Variants in FIZ1 observed in about 807,000 individuals in gnomAD.
FIZ1 encodes flt3-interacting zinc finger protein 1.
In FIZ1, 2 loss-of-function variants were observed where a neutral mutation model predicts 5.3. The ratio of observed to expected loss-of-function variants is 0.37; its 90% CI spans 0.15 to 1.18. FIZ1 has a LOEUF of 1.18. Among genes scored for constraint, FIZ1 ranks in the 50% most tolerant of loss-of-function variants. The probability of loss-of-function intolerance (pLI) is 0.37; values close to 1 mark genes in which losing one functional copy is unlikely to be tolerated. For synonymous variants in FIZ1, 407 were observed against 364.2 expected, an observed-to-expected ratio of 1.12 and a Z score of -1.34; for missense variants, 631 against 749.7, an observed-to-expected ratio of 0.84 and a Z score of 1.85.
At position 55,593,405 on chromosome 19, in the gene FIZ1, G is replaced by T. The variant is rs777883921; in HGVS notation, c.536C>A (p.Ala179Glu). 3.6e-5 allele frequency: 53 copies of T among 1,458,406 alleles called. 2 individuals are homozygous for T. The South Asian group carries it at 6.4e-4, about 18-fold the overall frequency. The allele number at this position is 1,458,406 out of a possible 1,614,324, so 90.3% of individuals were successfully genotyped here. A position where few individuals can be genotyped will look rare whatever the true frequency, so the allele number is the denominator to read the frequency against. Residue 179 changes from alanine to glutamate, a missense_variant, in exon 3 of 3, where the codon GCG becomes GAG. By Grantham distance (107) the Ala-to-Glu change is moderately radical. Coordinates refer to ENST00000221665, the MANE Select transcript of FIZ1 (RefSeq NM_032836.3). This position sits in a 1 kb window ranked among gnomAD's most constrained non-coding sequence, Gnocchi z 6.3. ...TGCCAGCCCCCAGCTGCCCAGACCCGCGCCTGCCCCCTCGGGGCCCTCTCC... is the reference window on the plus strand; with the variant it reads ...TGCCAGCCCCCAGCTGCCCAGACCCTCGCCTGCCCCCTCGGGGCCCTCTCC... ...GGGEGPEGAG[A>E]GLGSWGLAEA...
At chr19:55,595,103 T>C (rs1288254914) in intron 2 of FIZ1, among the ~76,000 whole-genome samples, 1 of 152,176 alleles carries the variant, frequency 6.6e-6, no homozygotes, top group African/African-American at 2.4e-5. Context: ...TGATTTAAGA[T>C]TTTGGAATAA....
rs1045722227 is a variant in FIZ1, at chr19:55,591,839, G to C, written c.*611C>G. On this transcript the variant is annotated 3_prime_UTR_variant, in exon 3 of 3. Coordinates refer to ENST00000221665, the MANE Select transcript of FIZ1 (RefSeq NM_032836.3). ...GTCGATCCATTCCACAGTCGGGGAG[G>C]GGGGATTCGAGGGCAGGGGGCATCT... 6.5e-6 allele frequency: 1 copy of C among 152,734 alleles called. No homozygotes were observed. The highest frequency in any genetic ancestry group is 2.4e-5 in the African/African-American group (1 of 41,420). The allele number at this position is 152,734 out of a possible 1,614,324, so 9.5% of individuals were successfully genotyped here.
Position 55,593,107 on chromosome 19 carries a change from G to C in FIZ1, c.834C>G (p.Thr278=). The change falls in exon 3 of 3, where the codon ACC becomes ACG. Residue 278 remains threonine, a synonymous_variant. Transcript: ENST00000221665. The surrounding 1 kb of genome is among the most constrained non-coding windows in gnomAD (Gnocchi z 6.3). ...GAGGAGCGTCGCCCGCCTCCGCAGC[G>C]GTGCCTTCGCCCGCCGTCTCGGGCC... ...GAGPETAGEG[T]AAEAGDAPLA... is the part of the protein sequence containing the mutation. 1 of 1,299,796 alleles carries C rather than the reference G, an allele frequency of 7.7e-7. No homozygotes were observed. Among genetic ancestry groups the C allele is most frequent in the Non-Finnish European group, 9.7e-7 (1 of 1,025,706 alleles). 80.5% of individuals were successfully genotyped at this position (1,299,796 alleles called of 1,614,324 possible). A position where few individuals can be genotyped will look rare whatever the true frequency, so the allele number is the denominator to read the frequency against.
In FIZ1 at chr19:55,597,952, A is replaced by C. The variant is rs182019185; in HGVS notation, c.-36-51T>G. 5 of 1,473,822 alleles carry C rather than the reference A, an allele frequency of 3.4e-6. No individual in the cohort carries two copies. In the African/African-American group the frequency reaches 7.0e-5, roughly 21 times the overall value. The allele number at this position is 1,473,822 out of a possible 1,614,324, so 91.3% of individuals were successfully genotyped here. The stretch of plus-strand genomic sequence containing the variant: ...CAGGTGAGGGGGTCGGCTCCCCATC[A>C]GCTCTCTCCTCCCAGGTTCCCAGAC... On this transcript the variant is annotated intron_variant, in intron 1 of 2. Transcript: ENST00000221665.
In FIZ1 at chr19:55,593,786, C is replaced by G. The variant is rs1980178553; in HGVS notation, c.295-140G>C. 1 of 776,248 alleles carries G rather than the reference C, an allele frequency of 1.3e-6. No individual in the cohort carries two copies. The highest frequency in any genetic ancestry group is 2.4e-5 in the Admixed American group (1 of 40,820). The allele number at this position is 776,248 out of a possible 1,614,324, so 48.1% of individuals were successfully genotyped here. On this transcript the variant is annotated intron_variant, in intron 2 of 2. Transcript: ENST00000221665. The surrounding 1 kb of genome is among the most constrained non-coding windows in gnomAD (Gnocchi z 6.3). Reference sequence around the variant, plus strand: ...TGATCTAGGGAAACGCTCGTCCTATCACTCTCTGTTTGGGGTCACGGTAGA... The same window carrying G: ...TGATCTAGGGAAACGCTCGTCCTATGACTCTCTGTTTGGGGTCACGGTAGA...
chr19:55,597,170 G>A (rs1038171598), intron 2 of FIZ1, among the ~76,000 whole-genome samples: 5 of 152,198 alleles, frequency 3.3e-5, no homozygotes, highest in African/African-American at 9.7e-5. Flanking sequence ...ATGAATAAAG[G>A]AATTAAGTAT....
Position 55,592,464 on chromosome 19 carries a change from G to T in FIZ1, c.1477C>A (p.Arg493=). The T allele has an allele frequency of 6.4e-7, 1 of 1,573,770 alleles. No individual in the cohort carries two copies. The highest frequency in any genetic ancestry group is 2.3e-5 in the East Asian group (1 of 43,156). The change falls in exon 3 of 3, where the codon CGG becomes AGG. Residue 493 remains arginine, a synonymous_variant. Coordinates refer to ENST00000221665, the MANE Select transcript of FIZ1 (RefSeq NM_032836.3). This position sits in a 1 kb window ranked among gnomAD's most constrained non-coding sequence, Gnocchi z 6.9. ...CAGCCTGGCAGTCAGTCCATGCCCC[G>T]GTGCAGCTTCAGGTGCCTGGAGAGG... ...SNLSRHLKLH[R]GMD is the part of the protein sequence containing the mutation.
At position 55,597,524 on chromosome 19, in the gene FIZ1, G is replaced by A. The variant is rs201316871; in HGVS notation, c.294+48C>T. On this transcript the variant is annotated intron_variant, in intron 2 of 2. Coordinates refer to ENST00000221665, the MANE Select transcript of FIZ1 (RefSeq NM_032836.3). ...GTACAGTGGGGCGCGGGATCCCACC[G>A]TAGTCCTGACCAGGGAGGCCAGCCT... is the stretch of plus-strand genomic sequence containing the variant. The A allele has an allele frequency of 3.8e-6, 6 of 1,576,876 alleles. No homozygotes were observed. The East Asian group carries it at 6.8e-5, about 18-fold the overall frequency.
chr19:55,593,150 GC>G lies in FIZ1; in HGVS notation c.790del (p.Ala264ProfsTer226), dbSNP rs2123550631. ...CTCGGGCCCTGCGCCTGGCCCCGCGGCCCAGGCCTGCGCTGGGGGCGCGCCC... is the reference window on the plus strand; with the variant it reads ...CTCGGGCCCTGCGCCTGGCCCCGCGGCCAGGCCTGCGCTGGGGGCGCGCCC... ...GPGAPPAQAWAAGPGAGPETA... is the reference protein window; with the variant it reads ...GPGAPPAQAWXAGPGAGPETA... On this transcript the variant is annotated frameshift_variant, in exon 3 of 3. Coordinates refer to ENST00000221665, the MANE Select transcript of FIZ1 (RefSeq NM_032836.3). LOFTEE classifies it low-confidence loss of function (END_TRUNC). The surrounding 1 kb of genome is among the most constrained non-coding windows in gnomAD (Gnocchi z 6.3). The G allele has an allele frequency of 1.7e-6, 2 of 1,181,396 alleles. No homozygotes were observed. Among genetic ancestry groups the G allele is most frequent in the Non-Finnish European group, 2.1e-6 (2 of 951,870 alleles). The allele number at this position is 1,181,396 out of a possible 1,614,324, so 73.2% of individuals were successfully genotyped here. A position where few individuals can be genotyped will look rare whatever the true frequency, so the allele number is the denominator to read the frequency against.
Position 55,592,399 on chromosome 19 carries a change from A to C in FIZ1, c.*51T>G. 1 of 1,476,766 alleles carries C rather than the reference A, an allele frequency of 6.8e-7. No homozygotes were observed. The highest frequency in any genetic ancestry group is 9.1e-7 in the Non-Finnish European group (1 of 1,104,158). 91.5% of individuals were successfully genotyped at this position (1,476,766 alleles called of 1,614,324 possible). A position where few individuals can be genotyped will look rare whatever the true frequency, so the allele number is the denominator to read the frequency against. ...GCGCAGTCCCGAGGTCCCCTGGTCC[A>C]GGCCGAGTCCAGGAGGCTGGGTGGA... On this transcript the variant is annotated 3_prime_UTR_variant, in exon 3 of 3. Coordinates refer to ENST00000221665, the MANE Select transcript of FIZ1 (RefSeq NM_032836.3). This position sits in a 1 kb window ranked among gnomAD's most constrained non-coding sequence, Gnocchi z 6.9.
chr19:55,592,751 T>C lies in FIZ1; in HGVS notation c.1190A>G (p.Glu397Gly), dbSNP rs1980076013. 2.5e-6 allele frequency: 4 copies of C among 1,609,002 alleles called. No individual in the cohort carries two copies. Among genetic ancestry groups the C allele is most frequent in the Non-Finnish European group, 3.4e-6 (4 of 1,178,620 alleles). ...EEAATAARER[E>G]PASGEPPSGS... Reference sequence around the variant, plus strand: ...AGACGGGGGTTCCCCGGACGCCGGTTCCCTTTCCCGGGCGGCGGTCGCCGC... The same window carrying C: ...AGACGGGGGTTCCCCGGACGCCGGTCCCCTTTCCCGGGCGGCGGTCGCCGC... The change falls in exon 3 of 3, where the codon GAA (glutamate) becomes GGA (glycine). Residue 397 changes from glutamate to glycine, a missense_variant. Physicochemically the swap from Glu to Gly is moderately conservative, Grantham distance 98 (BLOSUM62 -2). Coordinates refer to ENST00000221665, the MANE Select transcript of FIZ1 (RefSeq NM_032836.3). The surrounding 1 kb of genome is among the most constrained non-coding windows in gnomAD (Gnocchi z 6.9).
At chr19:55,598,695 A>C (rs369966125) in intron 1 of FIZ1, 3 of 151,948 alleles carry the variant, frequency 2.0e-5, no homozygotes, top group East Asian at 1.9e-4. Context: ...GTCCACTAAG[A>C]CCCACTTCCA....
At position 55,593,610 on chromosome 19, in the gene FIZ1, C is replaced by G. The variant is rs2123553042; in HGVS notation, c.331G>C (p.Val111Leu). The G allele has an allele frequency of 6.4e-7, 1 of 1,551,442 alleles. No individual in the cohort carries two copies. Among genetic ancestry groups the G allele is most frequent in the East Asian group, 2.4e-5 (1 of 40,912 alleles). The change falls in exon 3 of 3, where the codon GTC (valine) becomes CTC (leucine). Residue 111 changes from valine (V) to leucine (L), a missense_variant. This residue lies in a region of FIZ1 where 68 missense variants were observed against 163.4 expected (regional missense o/e 0.42). Transcript: ENST00000221665. This position sits in a 1 kb window ranked among gnomAD's most constrained non-coding sequence, Gnocchi z 6.3. ...CGTGAGGAGAAGCGGAGCTCGCAGACCAGGCAGCAGTAGGGTTTCTCACCA... is the reference window on the plus strand; with the variant it reads ...CGTGAGGAGAAGCGGAGCTCGCAGAGCAGGCAGCAGTAGGGTTTCTCACCA... ...HTGEKPYCCL[V>L]CELRFSSRSS...
chr19:55,595,793 C>T (rs1342407267), intron 2 of FIZ1: 2 of 152,238 alleles, frequency 1.3e-5, no homozygotes, highest in African/African-American at 4.8e-5. Context: ...AGAGGCAGAT[C>T]ATTCCTCACC....
intron 2 of FIZ1, among the ~76,000 whole-genome samples, chr19:55,594,398 CAAAA>C (rs1209856747): frequency 0.11 from 6,806 of 63,800 alleles, 529 homozygotes; most frequent in African/African-American, 0.3. Context: ...GACTCTGTCT[CAAAA>C]AAAAAAAAAA....
At chr19:55,595,189 G>A (rs1337523150) in intron 2 of FIZ1, among the ~76,000 whole-genome samples, 2 of 152,208 alleles carry the variant, frequency 1.3e-5, no homozygotes, top group Admixed American at 1.3e-4. Context: ...ATGAGAAAGA[G>A]TGCAGTGCTT....
At position 55,592,001 on chromosome 19, in the gene FIZ1, C is replaced by CCA. The variant is rs1462052559; in HGVS notation, c.*447_*448dup. The CCA allele has an allele frequency of 1.2e-5, 2 of 166,168 alleles. No individual in the cohort carries two copies. Among genetic ancestry groups the CCA allele is most frequent in the African/African-American group, 2.4e-5 (1 of 42,004 alleles). 10.3% of individuals were successfully genotyped at this position (166,168 alleles called of 1,614,324 possible). On this transcript the variant is annotated 3_prime_UTR_variant, in exon 3 of 3. Transcript: ENST00000221665. The surrounding 1 kb of genome is among the most constrained non-coding windows in gnomAD (Gnocchi z 6.9). ...AGGAAAATTCAGGGACATGCTCCCT[C>CCA]CACATTCTCCAGATCAAGGTCGTTA...
In FIZ1 at chr19:55,592,546, G is replaced by A. The variant is rs776370096; in HGVS notation, c.1395C>T (p.Gly465=). 9.3e-6 allele frequency: 15 copies of A among 1,610,178 alleles called. No individual in the cohort carries two copies. The highest frequency in any genetic ancestry group is 1.1e-5 in the Non-Finnish European group (13 of 1,178,562). The change falls in exon 3 of 3, where the codon GGC becomes GGT. Residue 465 remains glycine, a synonymous_variant. Coordinates refer to ENST00000221665, the MANE Select transcript of FIZ1 (RefSeq NM_032836.3). The surrounding 1 kb of genome is among the most constrained non-coding windows in gnomAD (Gnocchi z 6.9). ...CYLKRHRLLH[G]TERPFPCHIC... is the part of the protein sequence containing the mutation. The stretch of plus-strand genomic sequence containing the variant: ...TGTGGCAAGGGAAGGGCCGCTCGGT[G>A]CCGTGCAGCAGCCGGTGGCGCTTGA...
At position 55,592,675 on chromosome 19, in the gene FIZ1, C is replaced by T; in HGVS notation, c.1266G>A (p.Leu422=). Residue 422 remains leucine (L), a synonymous_variant, in exon 3 of 3, where the codon CTG becomes CTA. Transcript: ENST00000221665. This position sits in a 1 kb window ranked among gnomAD's most constrained non-coding sequence, Gnocchi z 6.9. ...GCTCCAGGTCTCGCGGTGAGCGGAA[C>T]AGCTTCTCGCACTCGGAGCAGCCGA... The part of the protein sequence containing the change: ...KIFGCSECEK[L]FRSPRDLERH... 1 of 1,613,358 alleles carries T rather than the reference C, an allele frequency of 6.2e-7. No individual in the cohort carries two copies. The highest frequency in any genetic ancestry group is 1.7e-5 in the Admixed American group (1 of 60,028).
Sources: gnomAD v4.1 joint callset for allele counts (sites outside exome capture counted in the v4.1 genomes callset) on GRCh38, gnomAD v4.1.1 for gene constraint, gnomAD v4.1.1 regional missense constraint, Gnocchi (gnomAD v3.1) non-coding constraint, MANE v1.5 for transcripts, NCBI Gene and HGNC (gene_info 2026-07-23, HGNC 2026-07-21) for gene names.